Variants in NCAPG observed in about 807,000 individuals in gnomAD.
NCAPG encodes the protein non-SMC condensin I complex subunit G, also known as condensin complex subunit 3.
In NCAPG, 69 loss-of-function variants were observed where a neutral mutation model predicts 113.1. The ratio of observed to expected loss-of-function variants is 0.61; its 90% CI spans 0.50 to 0.75. NCAPG has a LOEUF of 0.75. Among genes scored for constraint, NCAPG ranks in the 30% least tolerant of loss-of-function variants. The pLI, the probability that NCAPG is intolerant of heterozygous loss-of-function variation, is 0.00. For synonymous variants in NCAPG, 370 were observed against 415.8 expected, an observed-to-expected ratio of 0.89 and a Z score of 1.34; for missense variants, 1,058 against 1,177.0, an observed-to-expected ratio of 0.90 and a Z score of 1.48.
chr4:17,811,026 G>GCGGGCTGT lies in NCAPG; in HGVS notation c.-51_-50insGGGCTGTC. Reference sequence around the variant, plus strand: ...GCGCTGCCTCTGGGTTGGCGGGCTGGCAGGCTGTAGCCGAGCGCGGGCAGG... The same window carrying GCGGGCTGT: ...GCGCTGCCTCTGGGTTGGCGGGCTGGCGGGCTGTCAGGCTGTAGCCGAGCGCGGGCAGG... On this transcript the variant is annotated 5_prime_UTR_variant, in exon 1 of 21. Transcript: ENST00000251496. The surrounding 1 kb of genome is among the most constrained non-coding windows in gnomAD (Gnocchi z 5.3). 1 of 1,195,366 alleles carries GCGGGCTGT rather than the reference G, an allele frequency of 8.4e-7. No homozygotes were observed. The highest frequency in any genetic ancestry group is 1.1e-6 in the Non-Finnish European group (1 of 879,136). The allele number at this position is 1,195,366 out of a possible 1,614,324, so 74.0% of individuals were successfully genotyped here. A position where few individuals can be genotyped will look rare whatever the true frequency, so the allele number is the denominator to read the frequency against.
intron 3 of NCAPG, among the ~76,000 whole-genome samples, chr4:17,814,547 G>A (rs1219640530): frequency 6.6e-6 from 1 of 152,196 alleles, no homozygotes; most frequent in Non-Finnish European, 1.5e-5. Flanking sequence ...GGGCTTAAGT[G>A]ATCCTTCCAC....
chr4:17,812,499 A>G (rs1721030905), intron 2 of NCAPG, 75 bp downstream of exon 2: 1 of 1,095,662 alleles, frequency 9.1e-7, no homozygotes, highest in South Asian at 1.4e-5. Context: ...GGGAGTTTGT[A>G]TGTTTTTGAC....
intron 12 of NCAPG, among the ~76,000 whole-genome samples, chr4:17,829,819 T>C (rs774952489): frequency 6.6e-6 from 1 of 152,232 alleles, no homozygotes; most frequent in Non-Finnish European, 1.5e-5. Context: ...AAAATAGATA[T>C]AGATTGCCCA....
intron 12 of NCAPG, among the ~76,000 whole-genome samples, 196 bp from the exon 13 acceptor site, chr4:17,830,801 C>T (rs1721839501): frequency 6.6e-6 from 1 of 152,048 alleles, no homozygotes; most frequent in Admixed American, 6.6e-5. Flanking sequence ...ACCATTGAGT[C>T]CCTTTTAGCA....
chr4:17,825,320 G>T (rs932815887), intron 10 of NCAPG, 62 bp from the exon 11 acceptor site: 12 of 1,380,480 alleles, frequency 8.7e-6, no homozygotes, highest in Non-Finnish European at 1.2e-5. Context: ...CTCCTGAGTT[G>T]CTACAGATAT....
Position 17,837,253 on chromosome 4 carries a change from T to G in NCAPG, c.2204T>G (p.Leu735Trp). The change falls in exon 15 of 21, where the codon TTG becomes TGG. Residue 735 changes from leucine to tryptophan, a missense_variant. Transcript: ENST00000251496. ...VSSRILSRLI[L>W]LWYNPVTEED... ...AGCAGGATTCTTTCTCGTCTTATTT[T>G]GTTATGGTACAATCCTGTGACTGAA... 2 of 1,614,042 alleles carry G rather than the reference T, an allele frequency of 1.2e-6. No individual in the cohort carries two copies. Among genetic ancestry groups the G allele is most frequent in the Non-Finnish European group, 1.7e-6 (2 of 1,179,958 alleles).
At chr4:17,816,420 G>A (rs1431097883) in intron 5 of NCAPG, among the ~76,000 whole-genome samples, 1 of 152,200 alleles carries the variant, frequency 6.6e-6, no homozygotes, top group Non-Finnish European at 1.5e-5. Flanking sequence ...GGGTTGGGGA[G>A]CCTGAGAGAA....
intron 14 of NCAPG, 85 bp downstream of exon 14, chr4:17,834,608 AGTTT>A: frequency 1.1e-6 from 1 of 916,306 alleles, no homozygotes; most frequent in Non-Finnish European, 1.5e-6. Context: ...AATTTATTAT[AGTTT>A]AAGTCCTGTG....
chr4:17,824,836 G>T, intron 9 of NCAPG, 132 bp from the exon 10 acceptor site: 1 of 533,700 alleles, frequency 1.9e-6, no homozygotes. Context: ...CAGAATGTGT[G>T]CTATTTCTAC....
At chr4:17,837,941 A>G (rs1281220791) in intron 16 of NCAPG, 140 bp downstream of exon 16, 36 of 850,874 alleles carry the variant, frequency 4.2e-5, no homozygotes, top group Non-Finnish European at 6.3e-5. Context: ...CGAAAGAAAC[A>G]TGACCTTGGG....
intron 1 of NCAPG, 75 bp from the exon 2 acceptor site, chr4:17,812,146 A>T: frequency 9.3e-7 from 1 of 1,080,702 alleles, no homozygotes; most frequent in Non-Finnish European, 1.4e-6. Flanking sequence ...TAGTGCTTTC[A>T]TCAGTCTTAG....
At position 17,825,375 on chromosome 4, in the gene NCAPG, C is replaced by T; in HGVS notation, c.1474-7C>T. 6.3e-7 allele frequency: 1 copy of T among 1,579,180 alleles called. No homozygotes were observed. The highest frequency in any genetic ancestry group is 1.2e-5 in the South Asian group (1 of 85,812). On this transcript the variant is annotated splice_region_variant and splice_polypyrimidine_tract_variant and intron_variant, in intron 10 of 20. Coordinates refer to ENST00000251496, the MANE Select transcript of NCAPG (RefSeq NM_022346.5). ...TCAGTGTTGAAACAATTTATATCTT[C>T]CCTTAGATGGCTGAAATAAAAGTTA...
At chr4:17,817,909 T>A in intron 6 of NCAPG, 30 bp from the exon 7 acceptor site, 1 of 1,557,494 alleles carries the variant, frequency 6.4e-7, no homozygotes, top group Non-Finnish European at 8.6e-7. Context: ...AAGATCATGC[T>A]TTCTCTCACA....
chr4:17,840,162 C>T lies in NCAPG; in HGVS notation c.2720C>T (p.Ala907Val), dbSNP rs764685819. 8.1e-6 allele frequency: 13 copies of T among 1,611,044 alleles called. No individual in the cohort carries two copies. The highest frequency in any genetic ancestry group is 8.5e-7 in the Non-Finnish European group (1 of 1,178,764). The stretch of plus-strand genomic sequence containing the variant: ...AAAGAATTTGGTGACCAAGCTGAAG[C>T]AGCACAGGATGCCACCTTGACTACA... ...GNKEFGDQAEAAQDATLTTTT... is the reference protein window; with the variant it reads ...GNKEFGDQAEVAQDATLTTTT... The change falls in exon 18 of 21, where the codon GCA (alanine) becomes GTA (valine). Residue 907 changes from alanine to valine, a missense_variant. Ala to Val is a moderately conservative substitution (Grantham distance 64). Transcript: ENST00000251496.
At chr4:17,816,272 G>A (rs908626564) in intron 5 of NCAPG, among the ~76,000 whole-genome samples, 24 of 152,032 alleles carry the variant, frequency 1.6e-4, no homozygotes, top group African/African-American at 5.3e-4. Context: ...GAGTTCCTGC[G>A]CCTGAGAGAA....
At chr4:17,836,848 A>G (rs995981162) in intron 14 of NCAPG, among the ~76,000 whole-genome samples, 6 of 152,046 alleles carry the variant, frequency 3.9e-5, no homozygotes, top group African/African-American at 1.4e-4. Flanking sequence ...AACCCTAAGC[A>G]TTTAAATATA....
At chr4:17,818,634 TA>T (rs1407139759) in intron 7 of NCAPG, among the ~76,000 whole-genome samples, 1 of 152,250 alleles carries the variant, frequency 6.6e-6, no homozygotes, top group Non-Finnish European at 1.5e-5. Flanking sequence ...GCAAGCTATA[TA>T]ACAGGTAATA....
At chr4:17,827,094 G>A (rs1721683417) in intron 11 of NCAPG, among the ~76,000 whole-genome samples, 1 of 152,192 alleles carries the variant, frequency 6.6e-6, no homozygotes, top group Non-Finnish European at 1.5e-5. Context: ...ATTATGGAAG[G>A]AATGTTGTAG....
intron 13 of NCAPG, among the ~76,000 whole-genome samples, chr4:17,832,338 C>T (rs959321683): frequency 3.9e-5 from 6 of 152,030 alleles, no homozygotes; most frequent in Non-Finnish European, 8.8e-5. Flanking sequence ...AGGTTGTGAG[C>T]AGGATGGTAA....
Sources: gnomAD v4.1 joint callset for allele counts (sites outside exome capture counted in the v4.1 genomes callset) on GRCh38, gnomAD v4.1.1 for gene constraint, Gnocchi (gnomAD v3.1) non-coding constraint, MANE v1.5 for transcripts, NCBI Gene and HGNC (gene_info 2026-07-23, HGNC 2026-07-21) for gene names.